The following CLCNKA variants were observed in gnomAD, a reference collection of about 807,000 sequenced individuals.
CLCNKA encodes chloride voltage-gated channel Ka.
Under a neutral mutation model 83.3 loss-of-function variants are expected in CLCNKA, and 66 were observed. The ratio of observed to expected loss-of-function variants is 0.79; its 90% CI spans 0.65 to 0.97. The LOEUF (loss-of-function observed/expected upper bound fraction) is 0.97, where lower values mean the gene tolerates loss of function less well. Among genes scored for constraint, CLCNKA ranks in the 50% least tolerant of loss-of-function variants. CLCNKA has a pLI of 0.00. For missense variants in CLCNKA, 806 were observed against 888.7 expected, an observed-to-expected ratio of 0.91 and a Z score of 1.18; for synonymous variants, 357 against 370.4, an observed-to-expected ratio of 0.96 and a Z score of 0.42.
At chr1:16,028,202 C>A in intron 10 of CLCNKA, 83 bp downstream of exon 10, 2 of 1,308,940 alleles carry the variant, frequency 1.5e-6, no homozygotes, top group Non-Finnish European at 1.1e-6. Flanking sequence ...CCACCCCCAT[C>A]CTCCCACTGA....
Position 16,028,851 on chromosome 1 carries a change from G to A in CLCNKA, c.1053+6G>A. The A allele has an allele frequency of 6.2e-7, 1 of 1,613,960 alleles. No homozygotes were observed. The highest frequency in any genetic ancestry group is 8.5e-7 in the Non-Finnish European group (1 of 1,179,954). On this transcript the variant is annotated splice_donor_region_variant and intron_variant, in intron 11 of 19. Transcript: ENST00000331433. Reference sequence around the variant, plus strand: ...GCCACTTCCTAGCTTCTCGGGTAAGGGGTCCTGAGCGGGGGTGGCAGGAGT... The same window carrying A: ...GCCACTTCCTAGCTTCTCGGGTAAGAGGTCCTGAGCGGGGGTGGCAGGAGT...
Position 16,026,783 on chromosome 1 carries a change from C to G in CLCNKA, c.655+8C>G. On this transcript the variant is annotated splice_region_variant and intron_variant, in intron 7 of 19. Transcript: ENST00000331433. The stretch of plus-strand genomic sequence containing the variant: ...TTGCAGCTCCCTTCAGCGGTGAGAC[C>G]CCCCTCATGCCCCGCCCCCTGGGTC... 1 of 1,604,408 alleles carries G rather than the reference C, an allele frequency of 6.2e-7. No homozygotes were observed. The highest frequency in any genetic ancestry group is 8.5e-7 in the Non-Finnish European group (1 of 1,171,410).
At chr1:16,027,673 A>G (rs1371116866) in intron 8 of CLCNKA, 148 bp from the exon 9 acceptor site, 1 of 1,553,606 alleles carries the variant, frequency 6.4e-7, no homozygotes, top group African/African-American at 1.4e-5. Context: ...GCAGGGAGGC[A>G]AGAGCCTGGT....
rs1351296832 is a variant in CLCNKA, at chr1:16,026,698, A to G, written c.578A>G (p.Asn193Ser). 3.1e-6 allele frequency: 5 copies of G among 1,613,748 alleles called. No homozygotes were observed. Among genetic ancestry groups the G allele is most frequent in the East Asian group, 4.5e-5 (2 of 44,852 alleles). Residue 193 changes from asparagine to serine, a missense_variant and splice_region_variant, in exon 7 of 20, where the codon AAC (asparagine) becomes AGC (serine). Coordinates refer to ENST00000331433, the MANE Select transcript of CLCNKA (RefSeq NM_004070.4). ...GAGCCCTGGACTCGGATCCCCCAGA[A>G]CAAGAGCAAGCAAAACGAAATGCTG... ...VRTTTIGEPE[N>S]KSKQNEMLVA... is the part of the protein sequence containing the mutation.
In CLCNKA at chr1:16,027,450, C is replaced by T. The variant is rs2022413388; in HGVS notation, c.781+15C>T. Reference sequence around the variant, plus strand: ...CAGCGAGCAGGGTGAGCCCCCTGGGCTGCCTGACCCTGGCCCTGCCTGGGG... The same window carrying T: ...CAGCGAGCAGGGTGAGCCCCCTGGGTTGCCTGACCCTGGCCCTGCCTGGGG... On this transcript the variant is annotated intron_variant, in intron 8 of 19. Coordinates refer to ENST00000331433, the MANE Select transcript of CLCNKA (RefSeq NM_004070.4). 6.2e-7 allele frequency: 1 copy of T among 1,613,190 alleles called. No individual in the cohort carries two copies. Among genetic ancestry groups the T allele is most frequent in the African/African-American group, 1.3e-5 (1 of 74,850 alleles).
Position 16,029,960 on chromosome 1 carries a change from G to T in CLCNKA, c.1298-5G>T. 1 of 1,609,970 alleles carries T rather than the reference G, an allele frequency of 6.2e-7. No homozygotes were observed. Among genetic ancestry groups the T allele is most frequent in the African/African-American group, 1.3e-5 (1 of 74,952 alleles). ...GGCTCCCCCTCACCCTAAGTCTGTG[G>T]CCAGGAGCTGCCATCGGGCGCCTCT... On this transcript the variant is annotated splice_region_variant and splice_polypyrimidine_tract_variant and intron_variant, in intron 13 of 19. Transcript: ENST00000331433.
intron 16 of CLCNKA, 66 bp downstream of exon 16, chr1:16,031,909 G>T (rs2022642116): frequency 6.2e-7 from 1 of 1,610,060 alleles, no homozygotes; most frequent in Non-Finnish European, 8.5e-7. Flanking sequence ...TCTTGAACCT[G>T]TCAGGCAGAC....
At position 16,027,290 on chromosome 1, in the gene CLCNKA, G is replaced by C; in HGVS notation, c.656-20G>C. The stretch of plus-strand genomic sequence containing the variant: ...GGTGGGTGGGGGTGGGGGCCCACCT[G>C]ACATCAGTGTCGCCCCCAGGCGTCC... On this transcript the variant is annotated intron_variant, in intron 7 of 19. Coordinates refer to ENST00000331433, the MANE Select transcript of CLCNKA (RefSeq NM_004070.4). 5.0e-6 allele frequency: 8 copies of C among 1,612,522 alleles called. No individual in the cohort carries two copies. Among genetic ancestry groups the C allele is most frequent in the Non-Finnish European group, 6.8e-6 (8 of 1,179,960 alleles).
At position 16,032,487 on chromosome 1, in the gene CLCNKA, A is replaced by T. The variant is rs1422132368; in HGVS notation, c.1890A>T (p.Pro630=). The T allele has an allele frequency of 1.2e-6, 2 of 1,613,330 alleles. No homozygotes were observed. Among genetic ancestry groups the T allele is most frequent in the South Asian group, 2.2e-5 (2 of 91,080 alleles). Residue 630 remains proline, a synonymous_variant, in exon 18 of 20, where the codon CCA becomes CCT. Coordinates refer to ENST00000331433, the MANE Select transcript of CLCNKA (RefSeq NM_004070.4). Reference sequence around the variant, plus strand: ...TGGCCAGGGGCTGCCCCACGGAACCAGTGACCCTGACGCTATTCTCAGAGA... The same window carrying T: ...TGGCCAGGGGCTGCCCCACGGAACCTGTGACCCTGACGCTATTCTCAGAGA... ...DILARGCPTE[P]VTLTLFSETT... is the part of the protein sequence containing the mutation.
At position 16,022,646 on chromosome 1, in the gene CLCNKA, G is replaced by T; in HGVS notation, c.27G>T (p.Glu9Asp). 1 of 1,567,962 alleles carries T rather than the reference G, an allele frequency of 6.4e-7. No individual in the cohort carries two copies. The highest frequency in any genetic ancestry group is 8.7e-7 in the Non-Finnish European group (1 of 1,156,052). Reference protein sequence around the residue: MEELVGLREGFSGDPVTLQ... With the variant: MEELVGLRDGFSGDPVTLQ... Reference sequence around the variant, plus strand: ...TGGAGGAGTTGGTGGGGCTGCGTGAGGGCTTCTCAGGGGACCCTGTGACTC... The same window carrying T: ...TGGAGGAGTTGGTGGGGCTGCGTGATGGCTTCTCAGGGGACCCTGTGACTC... The change falls in exon 2 of 20, where the codon GAG becomes GAT. Residue 9 changes from glutamate to aspartate, a missense_variant. Coordinates refer to ENST00000331433, the MANE Select transcript of CLCNKA (RefSeq NM_004070.4).
chr1:16,026,888 T>A, intron 7 of CLCNKA, 113 bp downstream of exon 7: 1 of 1,423,346 alleles, frequency 7.0e-7, no homozygotes, highest in Non-Finnish European at 9.8e-7. Flanking sequence ...TCATTCTTGT[T>A]CTCACTTCAG....
In CLCNKA at chr1:16,023,847, T is replaced by C; in HGVS notation, c.148T>C (p.Trp50Arg). The C allele has an allele frequency of 1.9e-6, 3 of 1,614,180 alleles. No homozygotes were observed. The highest frequency in any genetic ancestry group is 1.3e-5 in the African/African-American group (1 of 75,054). The part of the protein sequence containing the change: ...KQKVFRLGED[W>R]YFLMTLGVLM... ...GAAGGTGTTCCGCCTGGGAGAAGAC[T>C]GGTACTTCCTGATGACCCTCGGGGT... is the stretch of plus-strand genomic sequence containing the variant. Residue 50 changes from tryptophan to arginine, a missense_variant, in exon 3 of 20, where the codon TGG (tryptophan) becomes CGG (arginine). By Grantham distance (101) the Trp-to-Arg change is moderately radical (BLOSUM62 -3). Transcript: ENST00000331433.
intron 15 of CLCNKA, 84 bp from the exon 16 acceptor site, chr1:16,031,626 A>G: frequency 6.2e-7 from 1 of 1,600,270 alleles, no homozygotes; most frequent in Non-Finnish European, 8.5e-7. Context: ...CCCTGGTTCA[A>G]GCAAAGCTCC....
rs752222076 is a variant in CLCNKA at position 16,032,221 on chromosome 1, G to C, written c.1775G>C (p.Gly592Ala). The change falls in exon 17 of 20, where the codon GGC becomes GCC. Residue 592 changes from glycine to alanine, a missense_variant. Transcript: ENST00000331433. ...TTGCCAGAGTCCCAGATCCTGGTAG[G>C]CATCGTGCAGAGGGCCCAGCTGGTG... ...VESTESQILV[G>A]IVQRAQLVQA... The C allele has an allele frequency of 6.2e-7, 1 of 1,612,500 alleles. No homozygotes were observed. The highest frequency in any genetic ancestry group is 8.5e-7 in the Non-Finnish European group (1 of 1,179,820).
intron 3 of CLCNKA, among the ~76,000 whole-genome samples, chr1:16,024,149 A>G (rs1280262660): frequency 6.6e-6 from 1 of 152,208 alleles, no homozygotes; most frequent in Admixed American, 6.5e-5. Flanking sequence ...GAATATTCCC[A>G]AGAGCCCTTC....
intron 4 of CLCNKA, among the ~76,000 whole-genome samples, chr1:16,025,741 G>GT (rs1191057632): frequency 3.9e-5 from 6 of 152,040 alleles, no homozygotes; most frequent in Non-Finnish European, 7.4e-5. Context: ...AGTTATGAGA[G>GT]TTTTTTTTGT....
chr1:16,027,433 A>G lies in CLCNKA; in HGVS notation c.779A>G (p.Gln260Arg). The change falls in exon 8 of 20, where the codon CAG (glutamine) becomes CGG (arginine). Residue 260 changes from glutamine (Q) to arginine (R), a missense_variant and splice_region_variant. Physicochemically the swap from Gln to Arg is conservative, Grantham distance 43. Transcript: ENST00000331433. ...CTCCTGGCAGTCTTCAACAGCGAGC[A>G]GGGTGAGCCCCCTGGGCTGCCTGAC... ...FRLLAVFNSEQETITSLYKTS... is the reference protein window; with the variant it reads ...FRLLAVFNSERETITSLYKTS... 1 of 1,613,870 alleles carries G rather than the reference A, an allele frequency of 6.2e-7. No homozygotes were observed. Among genetic ancestry groups the G allele is most frequent in the Non-Finnish European group, 8.5e-7 (1 of 1,179,948 alleles).
Position 16,022,769 on chromosome 1 carries a change from A to G in CLCNKA, c.100+50A>G, listed in dbSNP as rs370362529. 2.2e-5 allele frequency: 29 copies of G among 1,307,066 alleles called. No homozygotes were observed. In the African/African-American group the frequency reaches 4.1e-4, roughly 19 times the overall value. 81.0% of individuals were successfully genotyped at this position (1,307,066 alleles called of 1,614,324 possible). A position where few individuals can be genotyped will look rare whatever the true frequency, so the allele number is the denominator to read the frequency against. On this transcript the variant is annotated intron_variant, in intron 2 of 19. Transcript: ENST00000331433. ...CCCGCGGGGGACCACTCAGGACATC[A>G]TTCCTGCCTGGCTCCCACCCCACCT...
At chr1:16,024,673 C>A (rs1397828706) in intron 3 of CLCNKA, 90 bp from the exon 4 acceptor site, 2 of 1,573,816 alleles carry the variant, frequency 1.3e-6, no homozygotes, top group Non-Finnish European at 1.7e-6. Context: ...TTCGTGACTC[C>A]ATTTCCTGGT....
Sources: gnomAD v4.1 joint callset for allele counts (sites outside exome capture counted in the v4.1 genomes callset) on GRCh38, gnomAD v4.1.1 for gene constraint, MANE v1.5 for transcripts, NCBI Gene and HGNC (gene_info 2026-07-23, HGNC 2026-07-21) for gene names.